CSMD1: variants seen among roughly 807,000 people sequenced by gnomAD.
CSMD1 encodes the protein CUB and Sushi multiple domains 1.
A neutral mutation model predicts 417.5 loss-of-function variants in CSMD1; 213 were observed. The observed-to-expected ratio is 0.51, with a 90% CI of 0.46 to 0.57. The LOEUF (loss-of-function observed/expected upper bound fraction) is 0.57. CSMD1 is among the 20% of genes least tolerant of loss of function. CSMD1 has a pLI of 0.00. For missense variants in CSMD1, 6,923 were observed against 4,529.7 expected (o/e 1.53, Z -15.17); for synonymous variants, 2,862 against 1,736.8 (o/e 1.65, Z -16.11).
intron 7 of CSMD1, among the ~76,000 whole-genome samples, chr8:3,706,734 A>G (rs1801189964): frequency 6.6e-6 from 1 of 152,182 alleles, no homozygotes; most frequent in African/African-American, 2.4e-5. Flanking sequence ...TGAACTTTAG[A>G]TCATTTGTGC....
At chr8:3,291,152 G>C (rs537169773) in intron 25 of CSMD1, among the ~76,000 whole-genome samples, 29 of 152,300 alleles carry the variant, frequency 1.9e-4, no homozygotes, top group African/African-American at 6.7e-4. Flanking sequence ...TGTTGAAGCA[G>C]CCTTGCATCC....
intron 1 of CSMD1, among the ~76,000 whole-genome samples, chr8:4,770,262 T>C (rs1563340429): frequency 1.3e-5 from 2 of 148,252 alleles, no homozygotes; most frequent in Admixed American, 6.8e-5. Flanking sequence ...TAATTACATA[T>C]AAAATTTGTA....
intron 3 of CSMD1, among the ~76,000 whole-genome samples, chr8:4,372,412 A>G (rs1003785137): frequency 1.3e-5 from 2 of 152,112 alleles, no homozygotes; most frequent in African/African-American, 4.8e-5. Context: ...TTTCATCTGT[A>G]TTTGACATAT....
At chr8:4,047,109 C>A (rs145836759) in intron 3 of CSMD1, among the ~76,000 whole-genome samples, 10 of 152,138 alleles carry the variant, frequency 6.6e-5, no homozygotes, top group Non-Finnish European at 1.3e-4. Flanking sequence ...GAAGCTGTGG[C>A]TTCAATGGAA....
Position 3,190,097 on chromosome 8 carries a change from T to A in CSMD1, c.5213A>T (p.Asp1738Val). 6.3e-7 allele frequency: 1 copy of A among 1,590,520 alleles called. No individual in the cohort carries two copies. Among genetic ancestry groups the A allele is most frequent in the South Asian group, 1.2e-5 (1 of 86,940 alleles). ...FVYQAVPRTS[D>V]TQCSSVPEPR... is the part of the protein sequence containing the mutation. The stretch of plus-strand genomic sequence containing the variant: ...CTCGGGGACAGAGCTGCATTGGGTG[T>A]CACTGGTACGAGGAACAGCTAGAAG... The change falls in exon 34 of 70, where the codon GAC becomes GTC. Residue 1738 changes from aspartate to valine, a missense_variant. Asp to Val is a radical substitution (Grantham distance 152, BLOSUM62 -3). Coordinates refer to ENST00000635120, the MANE Select transcript of CSMD1 (RefSeq NM_033225.6).
intron 5 of CSMD1, among the ~76,000 whole-genome samples, chr8:3,839,123 TA>T (rs1802927930): frequency 7.8e-6 from 1 of 127,664 alleles, no homozygotes; most frequent in Non-Finnish European, 1.6e-5. Flanking sequence ...TCTATATGTA[TA>T]CTCTCTCTAG....
intron 3 of CSMD1, among the ~76,000 whole-genome samples, chr8:4,209,091 C>T (rs1452019966): frequency 6.6e-6 from 1 of 152,176 alleles, no homozygotes; most frequent in East Asian, 1.9e-4. Context: ...TCTCTTCACC[C>T]TTGCTCGCTG....
At chr8:4,882,398 G>A (rs762916686) in intron 1 of CSMD1, among the ~76,000 whole-genome samples, 23 of 151,722 alleles carry the variant, frequency 1.5e-4, no homozygotes, top group Admixed American at 7.2e-4. Flanking sequence ...ATTGGGGAGC[G>A]AGTTTGGCAT....
At chr8:4,785,330 CTT>C (rs1175561526) in intron 1 of CSMD1, among the ~76,000 whole-genome samples, 8 of 152,140 alleles carry the variant, frequency 5.3e-5, no homozygotes, top group Non-Finnish European at 1.2e-4. Flanking sequence ...TGGTGGAAGA[CTT>C]TGCTCTTAGG....
intron 23 of CSMD1, among the ~76,000 whole-genome samples, chr8:3,332,401 G>A (rs1425127726): frequency 1.3e-5 from 2 of 152,224 alleles, no homozygotes; most frequent in African/African-American, 2.4e-5. Flanking sequence ...TCCAGGTGGG[G>A]CCTGAATTAG....
chr8:4,443,129 G>A (rs773933754), intron 2 of CSMD1, among the ~76,000 whole-genome samples: 2 of 152,078 alleles, frequency 1.3e-5, no homozygotes, highest in Non-Finnish European at 2.9e-5. Flanking sequence ...GTGGTAGCTG[G>A]TATAGCAACA....
At chr8:3,989,449 T>C (rs1325190298) in intron 5 of CSMD1, among the ~76,000 whole-genome samples, 1 of 152,182 alleles carries the variant, frequency 6.6e-6, no homozygotes, top group Non-Finnish European at 1.5e-5. Context: ...CTTAGCATGC[T>C]GGAACGAGTT....
intron 41 of CSMD1, among the ~76,000 whole-genome samples, chr8:3,123,984 T>C (rs189490602): frequency 7.9e-5 from 12 of 152,308 alleles, no homozygotes; most frequent in Non-Finnish European, 1.6e-4. Context: ...CTTCTGCTCA[T>C]GAAAATAACC....
intron 5 of CSMD1, among the ~76,000 whole-genome samples, chr8:3,805,023 T>A (rs565099803): frequency 3.3e-5 from 5 of 152,174 alleles, no homozygotes; most frequent in African/African-American, 4.8e-5. Flanking sequence ...AGAGGCCTGG[T>A]TGGTCATATT....
chr8:4,696,934 G>T (rs915678932), intron 1 of CSMD1, among the ~76,000 whole-genome samples: 2 of 152,178 alleles, frequency 1.3e-5, no homozygotes, highest in African/African-American at 4.8e-5. Flanking sequence ...AGCACTTTAG[G>T]AGGCCGAGCT....
rs141857131 is a variant in CSMD1 at position 3,998,185 on chromosome 8, C to G, written c.611-75G>C. The G allele has an allele frequency of 6.8e-4, 868 of 1,276,030 alleles. 9 individuals are homozygous for G. In the East Asian group the frequency reaches 0.02, roughly 29 times the overall value. The allele number at this position is 1,276,030 out of a possible 1,614,324, so 79.0% of individuals were successfully genotyped here. Reference sequence around the variant, plus strand: ...ATACACGAGTGTGTCCACCAAGTGTCACTCTTGATCAGCGACAAATATTTT... The same window carrying G: ...ATACACGAGTGTGTCCACCAAGTGTGACTCTTGATCAGCGACAAATATTTT... On this transcript the variant is annotated intron_variant, in intron 4 of 69. Transcript: ENST00000635120.
At chr8:4,243,626 C>T (rs960148111) in intron 3 of CSMD1, among the ~76,000 whole-genome samples, 2 of 152,066 alleles carry the variant, frequency 1.3e-5, no homozygotes, top group African/African-American at 4.8e-5. Context: ...ACCGAAAACA[C>T]AGAAAATTAT....
At chr8:4,069,284 G>C (rs185590878) in intron 3 of CSMD1, among the ~76,000 whole-genome samples, 1 of 152,094 alleles carries the variant, frequency 6.6e-6, no homozygotes, top group Non-Finnish European at 1.5e-5. Context: ...TCTAGTAGGA[G>C]GTCATTATTT....
chr8:4,695,425 A>G (rs1807064213), intron 1 of CSMD1, among the ~76,000 whole-genome samples: 1 of 152,220 alleles, frequency 6.6e-6, no homozygotes. Context: ...TTAGTCGCGG[A>G]TGACCAGTGA....
Sources: gnomAD v4.1 joint callset for allele counts (sites outside exome capture counted in the v4.1 genomes callset) on GRCh38, gnomAD v4.1.1 for gene constraint, MANE v1.5 for transcripts, NCBI Gene and HGNC (gene_info 2026-07-23, HGNC 2026-07-21) for gene names.